FHIT: variants seen among roughly 807,000 people sequenced by gnomAD.
The protein encoded by FHIT is bis(5'-adenosyl)-triphosphatase.
FHIT carries 19 observed loss-of-function variants against 17.9 expected under a neutral mutation model. The ratio of observed to expected loss-of-function variants is 1.06; its 90% CI spans 0.74 to 1.56. The LOEUF (loss-of-function observed/expected upper bound fraction) is 1.56. FHIT is among the 40% of genes most tolerant of loss of function. The pLI, the probability that FHIT is intolerant of heterozygous loss-of-function variation, is 0.00. For synonymous variants in FHIT, 81 were observed against 69.7 expected (o/e 1.16, Z -0.81); for missense variants, 248 against 189.2 (o/e 1.31, Z -1.82).
intron 5 of FHIT, among the ~76,000 whole-genome samples, chr3:60,183,907 C>A (rs1367926829): frequency 6.6e-6 from 1 of 152,072 alleles, no homozygotes; most frequent in Non-Finnish European, 1.5e-5. Flanking sequence ...CACCTAGTTT[C>A]CACTATTATT....
intron 4 of FHIT, among the ~76,000 whole-genome samples, chr3:60,775,747 C>T (rs987558132): frequency 1.3e-5 from 2 of 152,066 alleles, no homozygotes; most frequent in African/African-American, 2.4e-5. Flanking sequence ...TGGGATGGAC[C>T]GGCGAGCAGC....
chr3:61,059,688 A>T (rs1286823579), intron 2 of FHIT, among the ~76,000 whole-genome samples: 1 of 152,342 alleles, frequency 6.6e-6, no homozygotes, highest in South Asian at 2.1e-4. Context: ...GACACTAGTC[A>T]TCAGGCCATC....
chr3:60,524,161 C>A (rs2035482346), intron 5 of FHIT, among the ~76,000 whole-genome samples: 1 of 151,278 alleles, frequency 6.6e-6, no homozygotes, highest in South Asian at 2.1e-4. Flanking sequence ...GAGAATCATC[C>A]CTGCCCTCAG....
chr3:60,001,479 G>A (rs532149236), intron 7 of FHIT, among the ~76,000 whole-genome samples: 2 of 152,266 alleles, frequency 1.3e-5, no homozygotes, highest in South Asian at 4.1e-4. Flanking sequence ...AGAAAAACAT[G>A]AGTAGGCAGG....
chr3:61,090,606 G>A (rs891262358), intron 2 of FHIT, among the ~76,000 whole-genome samples: 12 of 152,132 alleles, frequency 7.9e-5, no homozygotes, highest in South Asian at 6.2e-4. Context: ...TTTACTGGGC[G>A]GCTGTGTTTG....
At chr3:61,154,529 A>G (rs1033336624) in intron 2 of FHIT, among the ~76,000 whole-genome samples, 2 of 152,114 alleles carry the variant, frequency 1.3e-5, no homozygotes, top group African/African-American at 4.8e-5. Flanking sequence ...CCTGCAATGC[A>G]TTTGCTACCC....
At chr3:60,720,848 G>A (rs1413061398) in intron 4 of FHIT, among the ~76,000 whole-genome samples, 3 of 152,144 alleles carry the variant, frequency 2.0e-5, no homozygotes, top group East Asian at 3.9e-4. Context: ...ATGAATACAT[G>A]TAGTAAAAAT....
intron 5 of FHIT, among the ~76,000 whole-genome samples, chr3:60,368,804 T>C (rs1700211245): frequency 6.6e-6 from 1 of 152,170 alleles, no homozygotes; most frequent in South Asian, 2.1e-4. Flanking sequence ...AGTTTTTGCA[T>C]TTATATTTAA....
At chr3:60,353,107 C>G (rs1160468765) in intron 5 of FHIT, among the ~76,000 whole-genome samples, 1 of 152,132 alleles carries the variant, frequency 6.6e-6, no homozygotes, top group African/African-American at 2.4e-5. Context: ...AAAAAAATTT[C>G]AAGGTGATCT....
intron 3 of FHIT, among the ~76,000 whole-genome samples, chr3:60,911,525 T>C (rs1365059885): frequency 6.6e-6 from 1 of 152,176 alleles, no homozygotes; most frequent in Non-Finnish European, 1.5e-5. Context: ...GGTATCTTCC[T>C]TTAAACCCAG....
At chr3:60,424,319 G>A (rs369068996) in intron 5 of FHIT, among the ~76,000 whole-genome samples, 1 of 152,012 alleles carries the variant, frequency 6.6e-6, no homozygotes, top group African/African-American at 2.4e-5. Flanking sequence ...GGCTAATATC[G>A]GAGAACATGT....
At chr3:60,943,360 C>A (rs186625780) in intron 3 of FHIT, among the ~76,000 whole-genome samples, 309 of 152,206 alleles carry the variant, frequency 2.0e-3, no homozygotes, top group South Asian at 0.012. Context: ...AATAATAACT[C>A]TTTATCTGTA....
At chr3:60,729,517 C>T (rs2041985871) in intron 4 of FHIT, among the ~76,000 whole-genome samples, 1 of 152,120 alleles carries the variant, frequency 6.6e-6, no homozygotes, top group Admixed American at 6.5e-5. Flanking sequence ...TATAAAAGTG[C>T]CCAGCCTGGC....
intron 2 of FHIT, among the ~76,000 whole-genome samples, chr3:61,163,985 T>C (rs2037766719): frequency 6.6e-6 from 1 of 152,182 alleles, no homozygotes; most frequent in Non-Finnish European, 1.5e-5. Context: ...AGTAGATCCA[T>C]GGATCAGTGA....
At chr3:60,878,931 A>T (rs1553757245) in intron 3 of FHIT, among the ~76,000 whole-genome samples, 1 of 152,172 alleles carries the variant, frequency 6.6e-6, no homozygotes, top group Non-Finnish European at 1.5e-5. Flanking sequence ...GATATTGTGA[A>T]TAGTGCCGCA....
chr3:60,924,193 C>A (rs1483955283), intron 3 of FHIT, among the ~76,000 whole-genome samples: 1 of 152,208 alleles, frequency 6.6e-6, no homozygotes, highest in Non-Finnish European at 1.5e-5. Context: ...CCCTGTCTGA[C>A]AGCTTTGAAG....
At chr3:60,642,807 C>T (rs565152992) in intron 4 of FHIT, among the ~76,000 whole-genome samples, 2 of 152,200 alleles carry the variant, frequency 1.3e-5, no homozygotes, top group African/African-American at 2.4e-5. Flanking sequence ...GGGTTTTGTA[C>T]CTGCTGCTTT....
Position 60,067,520 on chromosome 3 carries a change from T to TAC in FHIT, c.104-53370_104-53369dup, listed in dbSNP as rs371373199. Among the ~76,000 whole-genome samples, 781 of 152,228 alleles carry TAC rather than the reference T, an allele frequency of 5.1e-3. 4 individuals carry two copies. Among genetic ancestry groups the TAC allele is most frequent in the African/African-American group, 0.018 (740 of 41,556 alleles). ...TCTTTGATTTCCTCCTTACATGATGTACAATGCAAAGGGCTTGCTAGTCAT... is the reference window on the plus strand; with the variant it reads ...TCTTTGATTTCCTCCTTACATGATGTACACAATGCAAAGGGCTTGCTAGTCAT... On this transcript the variant is annotated intron_variant, in intron 5 of 9. Coordinates refer to ENST00000492590, the MANE Select transcript of FHIT (RefSeq NM_002012.4).
chr3:59,909,908 G>A (rs1160419790), intron 8 of FHIT, among the ~76,000 whole-genome samples: 7 of 152,204 alleles, frequency 4.6e-5, no homozygotes, highest in Admixed American at 4.6e-4. Context: ...GAAAGGAACA[G>A]GAGTGTAACA....
Sources: allele counts gnomAD v4.1 joint callset (sites outside exome capture counted in the v4.1 genomes callset), GRCh38; gene constraint gnomAD v4.1.1; transcripts MANE v1.5; gene names NCBI Gene and HGNC (gene_info 2026-07-23, HGNC 2026-07-21).